The following RSPO2 variants were observed in gnomAD, a reference collection of about 807,000 sequenced individuals.
RSPO2 encodes R-spondin 2.
Under a neutral mutation model 30.9 loss-of-function variants are expected in RSPO2, and 14 were observed. The observed-to-expected ratio is 0.45, with a 90% CI of 0.30 to 0.71. The LOEUF (loss-of-function observed/expected upper bound fraction) is 0.71, where lower values mean the gene tolerates loss of function less well. Ranked by LOEUF, RSPO2 falls within the 30% of genes least tolerant of loss-of-function variation. The pLI, the probability that RSPO2 is intolerant of heterozygous loss-of-function variation, is 0.08. For synonymous variants in RSPO2, 107 were observed against 96.4 expected (o/e 1.11, Z -0.64); for missense variants, 264 against 301.9 (o/e 0.87, Z 0.93).
chr8:108,053,727 A>G (rs889279397), intron 2 of RSPO2, among the ~76,000 whole-genome samples: 1 of 152,218 alleles, frequency 6.6e-6, no homozygotes, highest in African/African-American at 2.4e-5. Context: ...AGCCTAAAAA[A>G]TCTACAAGTT....
chr8:107,899,437 A>C lies in RSPO2; in HGVS notation c.*1638T>G, dbSNP rs1811370648. ...CACTTAGTAAATGGGAAAATAGTGT[A>C]AATAGACATGAAAGGAGGTAACACT... On this transcript the variant is annotated 3_prime_UTR_variant, in exon 6 of 6. Transcript: ENST00000276659. 1 of 132,088 alleles carries C rather than the reference A, an allele frequency of 7.6e-6. No homozygotes were observed. Among genetic ancestry groups the C allele is most frequent in the East Asian group, 1.9e-4 (1 of 5,192 alleles). The allele number at this position is 132,088 out of a possible 1,614,324, so 8.2% of individuals were successfully genotyped here.
intron 2 of RSPO2, among the ~76,000 whole-genome samples, chr8:108,016,030 G>A (rs894122826): frequency 2.6e-5 from 4 of 152,168 alleles, no homozygotes; most frequent in Non-Finnish European, 5.9e-5. Flanking sequence ...AGAAGAATGG[G>A]GAGGAAATTA....
intron 5 of RSPO2, among the ~76,000 whole-genome samples, chr8:107,953,576 G>A (rs146895641): frequency 9.2e-5 from 14 of 152,294 alleles, no homozygotes; most frequent in Admixed American, 2.6e-4. Flanking sequence ...AAGTTGGGAA[G>A]TTTAATGTTG....
At position 107,954,233 on chromosome 8, in the gene RSPO2, ATT is replaced by A. The variant is rs1586574791; in HGVS notation, c.616+3845_616+3846del. ...AAGACCACAGCCACCTACAGATGACATTTTGTCTTGTACATGAACATCCTCCA... is the reference window on the plus strand; with the variant it reads ...AAGACCACAGCCACCTACAGATGACATTGTCTTGTACATGAACATCCTCCA... On this transcript the variant is annotated intron_variant, in intron 5 of 5. Coordinates refer to ENST00000276659, the MANE Select transcript of RSPO2 (RefSeq NM_178565.5). Among the ~76,000 whole-genome samples, 3 of 152,194 alleles carry A rather than the reference ATT, an allele frequency of 2.0e-5. No individual in the cohort carries two copies. In the East Asian group the frequency reaches 5.8e-4, roughly 29 times the overall value.
At chr8:107,968,271 A>G (rs2130462865) in intron 3 of RSPO2, among the ~76,000 whole-genome samples, 1 of 152,292 alleles carries the variant, frequency 6.6e-6, no homozygotes, top group African/African-American at 2.4e-5. Flanking sequence ...CAGCTATAAA[A>G]CTAGAATGAA....
At chr8:107,954,564 TA>T (rs145069870) in intron 5 of RSPO2, among the ~76,000 whole-genome samples, 4,533 of 152,218 alleles carry the variant, frequency 0.03, 252 homozygotes, top group African/African-American at 0.1. Context: ...CAGTGTTCAA[TA>T]TTTTTTCCTT....
At chr8:108,069,995 C>T (rs1038258489) in intron 2 of RSPO2, among the ~76,000 whole-genome samples, 1 of 152,142 alleles carries the variant, frequency 6.6e-6, no homozygotes, top group Non-Finnish European at 1.5e-5. Flanking sequence ...TGATTATAGT[C>T]ATATTGAAAT....
chr8:108,052,265 ATT>A, intron 2 of RSPO2, among the ~76,000 whole-genome samples: 1 of 152,268 alleles, frequency 6.6e-6, no homozygotes, highest in Non-Finnish European at 1.5e-5. Flanking sequence ...GTACACGCAC[ATT>A]TTCTATTCTT....
At chr8:107,955,911 G>A (rs969622755) in intron 5 of RSPO2, among the ~76,000 whole-genome samples, 9 of 152,290 alleles carry the variant, frequency 5.9e-5, no homozygotes, top group South Asian at 4.1e-4. Context: ...ACCTGATTAC[G>A]ACTTACATTT....
intron 5 of RSPO2, among the ~76,000 whole-genome samples, chr8:107,905,256 T>TCTACGGTGC (rs1811600731): frequency 6.6e-6 from 1 of 152,070 alleles, no homozygotes; most frequent in South Asian, 2.1e-4. Context: ...ACCGAGGCTG[T>TCTACGGTGC]CTAGAGTTTC....
intron 2 of RSPO2, among the ~76,000 whole-genome samples, chr8:108,034,116 T>C (rs1380566896): frequency 6.6e-6 from 1 of 152,162 alleles, no homozygotes; most frequent in African/African-American, 2.4e-5. Flanking sequence ...TAGATCATAA[T>C]GCTCCTAAGG....
At chr8:107,924,021 C>A (rs1486258861) in intron 5 of RSPO2, among the ~76,000 whole-genome samples, 1 of 151,480 alleles carries the variant, frequency 6.6e-6, no homozygotes, top group Non-Finnish European at 1.5e-5. Flanking sequence ...ATTAAATAAT[C>A]TGTACAAACA....
chr8:107,970,269 G>A (rs547174293), intron 3 of RSPO2, among the ~76,000 whole-genome samples: 7 of 151,936 alleles, frequency 4.6e-5, no homozygotes, highest in African/African-American at 1.2e-4. Context: ...TATCATTTTC[G>A]TGTGTCACAA....
chr8:108,007,989 A>C lies in RSPO2; in HGVS notation c.95-18745T>G, dbSNP rs372076916. On this transcript the variant is annotated intron_variant, in intron 2 of 5. Coordinates refer to ENST00000276659, the MANE Select transcript of RSPO2 (RefSeq NM_178565.5). ...AAAAATACACCTTGCCTGACTCAAA[A>C]AAAGAAAAAAACAGAGCTAATCACT... Among the ~76,000 whole-genome samples, 31 of 152,308 alleles carry C rather than the reference A, an allele frequency of 2.0e-4. No homozygotes were observed. In the East Asian group the frequency reaches 5.6e-3, roughly 28 times the overall value.
chr8:108,016,963 C>A (rs1038823275), intron 2 of RSPO2, among the ~76,000 whole-genome samples: 11 of 151,738 alleles, frequency 7.2e-5, no homozygotes, highest in African/African-American at 2.7e-4. Flanking sequence ...GCCAATTAAA[C>A]CTCCTTTAAA....
At chr8:108,060,196 C>T (rs999835224) in intron 2 of RSPO2, among the ~76,000 whole-genome samples, 3 of 151,610 alleles carry the variant, frequency 2.0e-5, no homozygotes, top group African/African-American at 4.9e-5. Flanking sequence ...ATGACTTTGA[C>T]TAGTTGAGAG....
chr8:108,029,427 C>A (rs1811343851), intron 2 of RSPO2, among the ~76,000 whole-genome samples: 2 of 152,056 alleles, frequency 1.3e-5, no homozygotes, highest in Non-Finnish European at 2.9e-5. Flanking sequence ...AATACCATAG[C>A]AAAATGCAAA....
At chr8:107,993,854 C>G (rs561976836) in intron 2 of RSPO2, among the ~76,000 whole-genome samples, 209 of 152,132 alleles carry the variant, frequency 1.4e-3, no homozygotes, top group Non-Finnish European at 2.4e-3. Context: ...CCTCCATTGT[C>G]TTATGCCTTC....
intron 5 of RSPO2, among the ~76,000 whole-genome samples, chr8:107,954,226 A>G (rs1813340693): frequency 6.6e-6 from 1 of 152,246 alleles, no homozygotes; most frequent in South Asian, 2.1e-4. Context: ...AGCCACCTAC[A>G]GATGACATTT....
Sources: allele counts gnomAD v4.1 joint callset (sites outside exome capture counted in the v4.1 genomes callset), GRCh38; gene constraint gnomAD v4.1.1; transcripts MANE v1.5; gene names NCBI Gene and HGNC (gene_info 2026-07-23, HGNC 2026-07-21).